The following ADAMTSL1 variants were observed in gnomAD, a reference collection of about 807,000 sequenced individuals.
The protein encoded by ADAMTSL1 is ADAMTS like 1, also known as ADAMTS-like protein 1.
A neutral mutation model predicts 201.8 loss-of-function variants in ADAMTSL1; 126 were observed. The observed-to-expected ratio is 0.62, with a 90% confidence interval of 0.54 to 0.72. The LOEUF (loss-of-function observed/expected upper bound fraction) is 0.72, where lower values mean the gene tolerates loss of function less well. Among genes scored for constraint, ADAMTSL1 ranks in the 30% least tolerant of loss-of-function variants. The pLI is 0.00. For missense variants in ADAMTSL1, 2,679 were observed against 2,277.8 expected (o/e 1.18, Z -3.59); for synonymous variants, 1,121 against 903.4 (o/e 1.24, Z -4.32).
chr9:18,343,502 G>A (rs765071026), intron 2 of ADAMTSL1, among the ~76,000 whole-genome samples: 1 of 152,134 alleles, frequency 6.6e-6, no homozygotes, highest in Non-Finnish European at 1.5e-5. Flanking sequence ...TAAACCAAGA[G>A]AATATATAAT....
chr9:18,629,979 TG>T (rs753661857), intron 5 of ADAMTSL1, among the ~76,000 whole-genome samples: 8 of 131,828 alleles, frequency 6.1e-5, no homozygotes, highest in Non-Finnish European at 1.1e-4. Flanking sequence ...TAATATGTGC[TG>T]TTTTTTTTGT....
chr9:18,881,914 G>T (rs550550159), intron 23 of ADAMTSL1, among the ~76,000 whole-genome samples: 1 of 152,278 alleles, frequency 6.6e-6, no homozygotes, highest in South Asian at 2.1e-4. Flanking sequence ...ATAGCAGGCT[G>T]GGAGGCCCTG....
At position 18,681,914 on chromosome 9, in the gene ADAMTSL1, A is replaced by T; in HGVS notation, c.1444A>T (p.Ile482Leu). The change falls in exon 12 of 29, where the codon ATA becomes TTA. Residue 482 changes from isoleucine to leucine, a missense_variant. Ile to Leu is a conservative substitution (Grantham distance 5). Transcript: ENST00000380548. ...CTGTAGCCCAAAAACAAAGCCCCAC[A>T]TAAAAGAGGAATGCATCGTACCCAC... ...GGCSPKTKPH[I>L]KEECIVPTPC... is the part of the protein sequence containing the mutation. 6.2e-7 allele frequency: 1 copy of T among 1,614,182 alleles called. No individual in the cohort carries two copies. The highest frequency in any genetic ancestry group is 8.5e-7 in the Non-Finnish European group (1 of 1,180,028).
intron 23 of ADAMTSL1, among the ~76,000 whole-genome samples, chr9:18,881,970 C>A (rs1023973265): frequency 8.5e-5 from 13 of 152,152 alleles, no homozygotes; most frequent in Non-Finnish European, 2.9e-5. Context: ...AGAGAGGTTT[C>A]CTGGCTACTC....
intron 2 of ADAMTSL1, among the ~76,000 whole-genome samples, chr9:18,293,634 G>T (rs796153043): frequency 6.6e-6 from 1 of 152,180 alleles, no homozygotes; most frequent in Admixed American, 6.5e-5. Flanking sequence ...GAAGAATCAT[G>T]GGGAAGATAA....
At chr9:18,751,147 C>T (rs1819448487) in intron 15 of ADAMTSL1, among the ~76,000 whole-genome samples, 1 of 152,172 alleles carries the variant, frequency 6.6e-6, no homozygotes, top group Non-Finnish European at 1.5e-5. Flanking sequence ...TATCTTAAAA[C>T]CAATAACACC....
At chr9:18,317,879 G>C (rs770529406) in intron 2 of ADAMTSL1, among the ~76,000 whole-genome samples, 3 of 152,166 alleles carry the variant, frequency 2.0e-5, no homozygotes, top group Admixed American at 2.0e-4. Flanking sequence ...TAATCCCAGC[G>C]CCTAGAGAAC....
At chr9:18,612,732 A>G (rs973651304) in intron 4 of ADAMTSL1, among the ~76,000 whole-genome samples, 2 of 152,238 alleles carry the variant, frequency 1.3e-5, no homozygotes, top group African/African-American at 4.8e-5. Flanking sequence ...ACGATGGATT[A>G]AAGACTTAAG....
intron 26 of ADAMTSL1, among the ~76,000 whole-genome samples, chr9:18,900,742 TG>T (rs889816155): frequency 2.4e-5 from 2 of 81,740 alleles, no homozygotes; most frequent in African/African-American, 5.0e-5. Context: ...ATGGACACAC[TG>T]GGGGGAAACA....
intron 26 of ADAMTSL1, 97 bp from the exon 27 acceptor site, chr9:18,905,685 C>A: frequency 1.1e-6 from 1 of 876,476 alleles, no homozygotes; most frequent in Admixed American, 2.0e-5. Context: ...TCCAACAAGA[C>A]CTACACAAGG....
chr9:18,452,520 C>T (rs1163592719), intron 2 of ADAMTSL1, among the ~76,000 whole-genome samples: 1 of 152,200 alleles, frequency 6.6e-6, no homozygotes, highest in Non-Finnish European at 1.5e-5. Flanking sequence ...AGTCCAAAGT[C>T]TAATCTAAAT....
At chr9:18,216,962 G>A (rs541488162) in intron 2 of ADAMTSL1, among the ~76,000 whole-genome samples, 1 of 152,050 alleles carries the variant, frequency 6.6e-6, no homozygotes, top group South Asian at 2.1e-4. Context: ...AGTACTATTT[G>A]TACCCTCCCC....
intron 23 of ADAMTSL1, among the ~76,000 whole-genome samples, chr9:18,845,154 C>T (rs531276129): frequency 2.0e-4 from 31 of 152,306 alleles, no homozygotes; most frequent in East Asian, 1.4e-3. Flanking sequence ...AGCTGTAGAC[C>T]GGAGCTGTTC....
At chr9:18,063,109 G>T (rs1305202214) in intron 1 of ADAMTSL1, among the ~76,000 whole-genome samples, 4 of 152,282 alleles carry the variant, frequency 2.6e-5, no homozygotes, top group African/African-American at 4.8e-5. Context: ...TGGGAGGATT[G>T]CTTGAGGCCA....
At chr9:18,795,332 A>G in intron 19 of ADAMTSL1, 65 bp from the exon 20 acceptor site, 2 of 1,601,058 alleles carry the variant, frequency 1.2e-6, no homozygotes, top group Non-Finnish European at 1.7e-6. Flanking sequence ...TGCCTTACCA[A>G]TATTGAATGC....
At chr9:18,067,983 T>C (rs1289009693) in intron 1 of ADAMTSL1, among the ~76,000 whole-genome samples, 1 of 151,986 alleles carries the variant, frequency 6.6e-6, no homozygotes, top group East Asian at 1.9e-4. Context: ...ACAGGATAAT[T>C]TTTTTAAAAA....
At position 18,236,751 on chromosome 9, in the gene ADAMTSL1, A is replaced by G. The variant is rs1830865842; in HGVS notation, c.207+72770A>G. 3.3e-5 allele frequency among the ~76,000 whole-genome samples: 5 copies of G among 152,266 alleles called. No individual in the cohort carries two copies. In the South Asian group the frequency reaches 1.0e-3, roughly 31 times the overall value. Reference sequence around the variant, plus strand: ...CTATATTTTCAGCGAAGAAAAATACACATCCCATTATTATATATACTTTTG... The same window carrying G: ...CTATATTTTCAGCGAAGAAAAATACGCATCCCATTATTATATATACTTTTG... On this transcript the variant is annotated intron_variant, in intron 2 of 29. Transcript: ENST00000680146.
chr9:18,806,659 G>C (rs1447978746), intron 20 of ADAMTSL1, among the ~76,000 whole-genome samples: 1 of 152,092 alleles, frequency 6.6e-6, no homozygotes, highest in African/African-American at 2.4e-5. Flanking sequence ...TTTTCCCACT[G>C]AATTTTGATT....
intron 4 of ADAMTSL1, among the ~76,000 whole-genome samples, chr9:18,588,223 T>G (rs1463965957): frequency 1.3e-5 from 2 of 152,248 alleles, no homozygotes; most frequent in Non-Finnish European, 2.9e-5. Flanking sequence ...TGATTTGTAA[T>G]GTTGAGCATT....
Sources: allele counts gnomAD v4.1 joint callset (sites outside exome capture counted in the v4.1 genomes callset), GRCh38; gene constraint gnomAD v4.1.1; transcripts MANE v1.5; gene names NCBI Gene and HGNC (gene_info 2026-07-23, HGNC 2026-07-21).